Variants in RLN2 observed in about 807,000 individuals in gnomAD.
RLN2 encodes relaxin 2.
In RLN2, 10 loss-of-function variants were observed where a neutral mutation model predicts 7.3. The observed-to-expected ratio is 1.36, with a 90% CI of 0.84 to 2.31. The LOEUF is 2.31. RLN2 is among the 30% of genes most tolerant of loss of function. The probability of loss-of-function intolerance (pLI) is 0.00; values close to 1 mark genes in which losing one functional copy is unlikely to be tolerated. For missense variants in RLN2, 298 were observed against 217.6 expected (o/e 1.37, Z -2.32); for synonymous variants, 103 against 82.3 (o/e 1.25, Z -1.36).
upstream of RLN2, among the ~76,000 whole-genome samples, chr9:5,306,445 C>A (rs144879836): frequency 8.6e-5 from 13 of 151,954 alleles, no homozygotes; most frequent in East Asian, 2.5e-3. Context: ...CAGTACAATG[C>A]CCGCTTTCCC....
At chr9:5,310,361 C>T in the RLN2 span, among the ~76,000 whole-genome samples, 224 of 152,052 alleles carry the variant, frequency 1.5e-3, 2 homozygotes, top group African/African-American at 5.3e-3. Flanking sequence ...TCAGTAATTT[C>T]ATACCCTTCC....
chr9:5,326,401 C>T, the RLN2 span, among the ~76,000 whole-genome samples: 8 of 152,062 alleles, frequency 5.3e-5, no homozygotes, highest in African/African-American at 1.9e-4. Context: ...GGATCTGTGG[C>T]TTAGGAACCC....
chr9:5,302,447 G>A (rs1436984873), intron 1 of RLN2, among the ~76,000 whole-genome samples: 2 of 152,162 alleles, frequency 1.3e-5, no homozygotes, highest in African/African-American at 2.4e-5. Flanking sequence ...CTACCTAACA[G>A]TAGAAGTCTG....
upstream of RLN2, among the ~76,000 whole-genome samples, chr9:5,306,102 G>GGTTTTTTTTTT (rs1554618110): frequency 8.1e-6 from 1 of 123,434 alleles, no homozygotes; most frequent in African/African-American, 3.3e-5. Flanking sequence ...CTTTGTTTTT[G>GGTTTTTTTTTT]TTTTTTGTTT....
the RLN2 span, among the ~76,000 whole-genome samples, chr9:5,318,726 T>C: frequency 6.6e-6 from 1 of 151,966 alleles, no homozygotes; most frequent in Non-Finnish European, 1.5e-5. Flanking sequence ...TACTTGTTTG[T>C]AGTTTTTGCT....
At chr9:5,332,904 A>AC in the RLN2 span, among the ~76,000 whole-genome samples, 2 of 151,964 alleles carry the variant, frequency 1.3e-5, no homozygotes, top group Non-Finnish European at 2.9e-5. Flanking sequence ...GGCATGAGCC[A>AC]CCGCGCCCGG....
the RLN2 span, among the ~76,000 whole-genome samples, chr9:5,327,273 C>G: frequency 6.6e-6 from 1 of 152,078 alleles, no homozygotes; most frequent in South Asian, 2.1e-4. Flanking sequence ...GTCCCATGCC[C>G]AAGGAGCCTT....
At chr9:5,325,288 T>C in the RLN2 span, among the ~76,000 whole-genome samples, 3 of 151,522 alleles carry the variant, frequency 2.0e-5, no homozygotes, top group South Asian at 2.1e-4. Flanking sequence ...TGGAAGTCCA[T>C]CAAAGACATA....
At chr9:5,328,776 A>G in the RLN2 span, among the ~76,000 whole-genome samples, 8 of 152,030 alleles carry the variant, frequency 5.3e-5, no homozygotes, top group Non-Finnish European at 8.8e-5. Flanking sequence ...TAAAGAAAGA[A>G]TTTTCAACCA....
chr9:5,300,354 G>A lies in RLN2; in HGVS notation c.302C>T (p.Thr101Ile). The A allele has an allele frequency of 4.3e-6, 7 of 1,613,790 alleles. No homozygotes were observed. The highest frequency in any genetic ancestry group is 5.1e-6 in the Non-Finnish European group (6 of 1,179,788). The change falls in exon 2 of 2, where the codon ACC (threonine) becomes ATC (isoleucine). Residue 101 changes from threonine (T) to isoleucine (I), a missense_variant. Coordinates refer to ENST00000381627, the MANE Select transcript of RLN2 (RefSeq NM_134441.3). The stretch of plus-strand genomic sequence containing the variant: ...TAATGCTGGCTGCATCTCAGACAGG[G>A]TTAACTTCAGCTCCTGTGGCAAATT... ...VANLPQELKL[T>I]LSEMQPALPQ...
the RLN2 span, chr9:5,335,316 C>A: frequency 1.2e-6 from 2 of 1,611,486 alleles, no homozygotes; most frequent in East Asian, 2.2e-5. Flanking sequence ...AACAGTGCCA[C>A]GTAGGGTCGT....
chr9:5,305,618 C>T (rs1176032610), upstream of RLN2, among the ~76,000 whole-genome samples: 1 of 151,970 alleles, frequency 6.6e-6, no homozygotes, highest in African/African-American at 2.4e-5. Context: ...TAGTAGACAA[C>T]CCTTCTACCT....
At chr9:5,327,462 C>T in the RLN2 span, among the ~76,000 whole-genome samples, 2 of 152,068 alleles carry the variant, frequency 1.3e-5, no homozygotes, top group Non-Finnish European at 2.9e-5. Flanking sequence ...GTAGACTCCA[C>T]CTCTAGCGGC....
chr9:5,337,796 T>C, the RLN2 span, among the ~76,000 whole-genome samples: 1 of 152,028 alleles, frequency 6.6e-6, no homozygotes, highest in Non-Finnish European at 1.5e-5. Context: ...TACTTTGAAA[T>C]CTCATGTCTC....
the RLN2 span, among the ~76,000 whole-genome samples, chr9:5,333,988 C>CG: frequency 6.6e-6 from 1 of 152,000 alleles, no homozygotes; most frequent in East Asian, 1.9e-4. Flanking sequence ...GTTAAAAACT[C>CG]TCAATAAACT....
Position 5,300,307 on chromosome 9 carries a change from G to T in RLN2, c.349C>A (p.Pro117Thr). The T allele has an allele frequency of 1.2e-6, 2 of 1,613,434 alleles. No homozygotes were observed. The highest frequency in any genetic ancestry group is 2.2e-5 in the East Asian group (1 of 44,870). Reference protein sequence around the residue: ...PALPQLQQHVPVLKDSSLLFE... With the variant: ...PALPQLQQHVTVLKDSSLLFE... Reference sequence around the variant, plus strand: ...AGAAGACTGGAATCTTTTAATACAGGTACATGTTGTTGTAGCTGTGGTAAT... The same window carrying T: ...AGAAGACTGGAATCTTTTAATACAGTTACATGTTGTTGTAGCTGTGGTAAT... Residue 117 changes from proline (P) to threonine (T), a missense_variant, in exon 2 of 2, where the codon CCT becomes ACT. By Grantham distance (38) the Pro-to-Thr change is conservative. Coordinates refer to ENST00000381627, the MANE Select transcript of RLN2 (RefSeq NM_134441.3).
chr9:5,308,481 T>C (rs1563738841), upstream of RLN2, among the ~76,000 whole-genome samples: 1 of 152,016 alleles, frequency 6.6e-6, no homozygotes, highest in Non-Finnish European at 1.5e-5. Flanking sequence ...TTATTGGGGT[T>C]TGTGGTTTTA....
chr9:5,337,799 C>T, the RLN2 span, among the ~76,000 whole-genome samples: 1 of 151,980 alleles, frequency 6.6e-6, no homozygotes, highest in Non-Finnish European at 1.5e-5. Context: ...TTTGAAATCT[C>T]ATGTCTCTTC....
chr9:5,316,977 T>C, the RLN2 span, among the ~76,000 whole-genome samples: 2 of 152,022 alleles, frequency 1.3e-5, no homozygotes, highest in East Asian at 1.9e-4. Flanking sequence ...AGTTGTTGTA[T>C]GGGATTGAAA....
Sources: allele counts gnomAD v4.1 joint callset (sites outside exome capture counted in the v4.1 genomes callset), GRCh38; gene constraint gnomAD v4.1.1; transcripts MANE v1.5; gene names NCBI Gene and HGNC (gene_info 2026-07-23, HGNC 2026-07-21).